The following COX7B2 variants were observed in gnomAD, a reference collection of about 807,000 sequenced individuals.
The protein encoded by COX7B2 is cytochrome c oxidase subunit 7B2, also known as cytochrome c oxidase subunit 7B2, mitochondrial.
For synonymous variants in COX7B2, 37 were observed against 32.1 expected, an observed-to-expected ratio of 1.15 and a Z score of -0.51; for missense variants, 109 against 95.9, an observed-to-expected ratio of 1.14 and a Z score of -0.57.
At position 46,882,903 on chromosome 4, in the gene COX7B2, T is replaced by C. The variant is rs537289263; in HGVS notation, c.-105+26257A>G. 3.2e-3 allele frequency among the ~76,000 whole-genome samples: 488 copies of C among 152,334 alleles called. 3 individuals carry two copies. The highest frequency in any genetic ancestry group is 5.9e-3 in the Non-Finnish European group (399 of 68,016). ...CCACAAATCATTATCACTATATATCTACACTATTCCATATTACTTGTGATA... is the reference window on the plus strand; with the variant it reads ...CCACAAATCATTATCACTATATATCCACACTATTCCATATTACTTGTGATA... On this transcript the variant is annotated intron_variant, in intron 1 of 2. Transcript: ENST00000355591.
chr4:46,865,807 TAG>T (rs1717628773), intron 1 of COX7B2, among the ~76,000 whole-genome samples: 1 of 152,182 alleles, frequency 6.6e-6, no homozygotes, highest in African/African-American at 2.4e-5. Flanking sequence ...ATCCCCAGGA[TAG>T]AGAGTTCCAC....
chr4:46,907,848 C>CTTTTTT lies in COX7B2; in HGVS notation c.-105+1306_-105+1311dup, dbSNP rs35024713. 3.7e-3 allele frequency among the ~76,000 whole-genome samples: 222 copies of CTTTTTT among 59,716 alleles called. 18 individuals are homozygous for CTTTTTT. Among genetic ancestry groups the CTTTTTT allele is most frequent in the East Asian group, 8.4e-3 (13 of 1,546 alleles). The allele number at this position is 59,716 out of a possible 152,430, so 39.2% of individuals were successfully genotyped here. A position where few individuals can be genotyped will look rare whatever the true frequency, so the allele number is the denominator to read the frequency against. ...TATAAAAGATCAGAATTTGAGCAGA[C>CTTTTTT]TTTTTTTTTTTTTTTTTTTTTTTTG... On this transcript the variant is annotated intron_variant, in intron 1 of 2. Transcript: ENST00000355591.
chr4:46,739,393 C>G (rs1391949627), intron 2 of COX7B2, among the ~76,000 whole-genome samples: 1 of 152,046 alleles, frequency 6.6e-6, no homozygotes, highest in Non-Finnish European at 1.5e-5. Context: ...AGAGATGGCT[C>G]TTTAATTGGA....
chr4:46,788,029 C>T (rs1036044193), intron 2 of COX7B2, among the ~76,000 whole-genome samples: 2 of 151,824 alleles, frequency 1.3e-5, no homozygotes, highest in East Asian at 3.9e-4. Context: ...ACTTCAGGGA[C>T]GAAGGCTTTC....
intron 2 of COX7B2, among the ~76,000 whole-genome samples, chr4:46,820,695 C>A (rs1007470357): frequency 6.6e-6 from 1 of 151,818 alleles, no homozygotes. Context: ...GTAGCACATG[C>A]CTGTAACCTC....
intron 2 of COX7B2, among the ~76,000 whole-genome samples, chr4:46,792,334 C>T (rs1464078432): frequency 2.6e-5 from 4 of 152,266 alleles, no homozygotes; most frequent in Non-Finnish European, 4.4e-5. Flanking sequence ...CTAAATTTTA[C>T]TTCTGGGTTT....
chr4:46,789,121 A>G (rs1000676883), intron 2 of COX7B2, among the ~76,000 whole-genome samples: 1 of 152,182 alleles, frequency 6.6e-6, no homozygotes, highest in African/African-American at 2.4e-5. Flanking sequence ...AACTTTACAG[A>G]ACTCCATTTC....
At chr4:46,735,685 C>A (rs1358301202) in intron 2 of COX7B2, among the ~76,000 whole-genome samples, 1 of 152,160 alleles carries the variant, frequency 6.6e-6, no homozygotes, top group Admixed American at 6.5e-5. Context: ...TACCTTCCCC[C>A]TCCTACAGGC....
At chr4:46,873,314 T>C (rs572473370) in intron 1 of COX7B2, among the ~76,000 whole-genome samples, 20 of 152,326 alleles carry the variant, frequency 1.3e-4, no homozygotes, top group Non-Finnish European at 2.5e-4. Context: ...AGTAGAATGA[T>C]TTATAATCCT....
chr4:46,784,871 A>ATAT (rs1444587374), intron 2 of COX7B2, among the ~76,000 whole-genome samples: 1 of 152,232 alleles, frequency 6.6e-6, no homozygotes, highest in African/African-American at 2.4e-5. Flanking sequence ...ATATCATCAC[A>ATAT]TATTAGCTCC....
At chr4:46,738,843 C>T (rs1470357175) in intron 2 of COX7B2, among the ~76,000 whole-genome samples, 1 of 151,950 alleles carries the variant, frequency 6.6e-6, no homozygotes, top group Admixed American at 6.6e-5. Context: ...TCCCTCATGC[C>T]CATGGCAGTA....
chr4:46,836,583 G>T (rs1438627343), intron 2 of COX7B2, among the ~76,000 whole-genome samples: 2 of 149,838 alleles, frequency 1.3e-5, no homozygotes, highest in Admixed American at 6.6e-5. Context: ...CTGTTCTACA[G>T]TTAAATTTTA....
chr4:46,879,817 C>G (rs1284015398), intron 1 of COX7B2, among the ~76,000 whole-genome samples: 1 of 151,906 alleles, frequency 6.6e-6, no homozygotes, highest in Non-Finnish European at 1.5e-5. Flanking sequence ...AATGACAACT[C>G]TTTATTGTAC....
intron 2 of COX7B2, among the ~76,000 whole-genome samples, chr4:46,789,345 T>C (rs1157397129): frequency 6.6e-6 from 1 of 152,176 alleles, no homozygotes; most frequent in African/African-American, 2.4e-5. Flanking sequence ...ACCAATATTA[T>C]GCTTCTCCAA....
At chr4:46,752,842 T>C (rs1577662324) in intron 2 of COX7B2, among the ~76,000 whole-genome samples, 1 of 152,314 alleles carries the variant, frequency 6.6e-6, no homozygotes, top group South Asian at 2.1e-4. Flanking sequence ...TGAGGATTTT[T>C]GCATCGATGT....
intron 2 of COX7B2, among the ~76,000 whole-genome samples, chr4:46,767,701 T>G (rs1056548235): frequency 6.6e-6 from 1 of 152,106 alleles, no homozygotes; most frequent in African/African-American, 2.4e-5. Flanking sequence ...GGAGAAAAAC[T>G]GGAAATTTCA....
At chr4:46,756,553 A>G (rs896749648) in intron 2 of COX7B2, among the ~76,000 whole-genome samples, 5 of 152,122 alleles carry the variant, frequency 3.3e-5, no homozygotes, top group Admixed American at 6.6e-5. Flanking sequence ...TATGCACCTG[A>G]CAAACGACTA....
At chr4:46,768,744 C>CA (rs979571619) in intron 2 of COX7B2, among the ~76,000 whole-genome samples, 2 of 151,544 alleles carry the variant, frequency 1.3e-5, no homozygotes, top group African/African-American at 4.8e-5. Context: ...ATGAAAGAAT[C>CA]AAAAAAATAC....
chr4:46,894,461 C>A (rs1719629799), intron 1 of COX7B2, among the ~76,000 whole-genome samples: 1 of 152,120 alleles, frequency 6.6e-6, no homozygotes, highest in Non-Finnish European at 1.5e-5. Flanking sequence ...AGCTGGACCC[C>A]TTCCTTGTAT....
Sources: gnomAD v4.1 joint callset for allele counts (sites outside exome capture counted in the v4.1 genomes callset) on GRCh38, gnomAD v4.1.1 for gene constraint, MANE v1.5 for transcripts, NCBI Gene and HGNC (gene_info 2026-07-23, HGNC 2026-07-21) for gene names.